Variants in SPRY3 observed in about 807,000 individuals in gnomAD.
SPRY3 encodes protein sprouty homolog 3.
Under a neutral mutation model 20.2 loss-of-function variants are expected in SPRY3, and 15 were observed. That is an observed-to-expected ratio of 0.74 (90% CI 0.50 to 1.14). The LOEUF (loss-of-function observed/expected upper bound fraction) is 1.14, where lower values mean the gene tolerates loss of function less well. SPRY3 is among the 50% of genes most tolerant of loss of function. The pLI, the probability that SPRY3 is intolerant of heterozygous loss-of-function variation, is 0.00. For missense variants in SPRY3, 364 were observed against 363.9 expected, an observed-to-expected ratio of 1.00 and a Z score of 0.00; for synonymous variants, 143 against 136.5, an observed-to-expected ratio of 1.05 and a Z score of -0.33.
intron 2 of SPRY3, among the ~76,000 whole-genome samples, chrX:155,702,366 C>T (rs1208136063): frequency 8.2e-5 from 1 of 12,212 alleles, no homozygotes. Context: ...ATTTTATTCT[C>T]TTTGAAGCAA....
At chrX:155,643,658 G>T (rs2067949036) in intron 1 of SPRY3, among the ~76,000 whole-genome samples, 1 of 111,131 alleles carries the variant, frequency 9.0e-6, no homozygotes, top group Admixed American at 9.6e-5. Context: ...TTACCATGAG[G>T]CTTGAAAATA....
intron 2 of SPRY3, among the ~76,000 whole-genome samples, chrX:155,696,911 C>A (rs187224408): frequency 8.9e-6 from 1 of 111,762 alleles, no homozygotes; most frequent in African/African-American, 3.2e-5. Flanking sequence ...TGATCAAGGA[C>A]CTTTTAAGTA....
chrX:155,716,796 A>T (rs1340600294), intron 2 of SPRY3, among the ~76,000 whole-genome samples: 1 of 151,282 alleles, frequency 6.6e-6, no homozygotes, highest in African/African-American at 2.4e-5. Flanking sequence ...GTGTTCAAAT[A>T]ACTGTAGTCC....
At chrX:155,753,129 G>T (rs2091270550) in intron 2 of SPRY3, among the ~76,000 whole-genome samples, 3 of 151,774 alleles carry the variant, frequency 2.0e-5, no homozygotes, top group Admixed American at 2.0e-4. Flanking sequence ...AGTCACCCAT[G>T]TAATGTGCAC....
intron 3 of SPRY3, among the ~76,000 whole-genome samples, chrX:155,768,767 G>T (rs2091363418): frequency 6.6e-6 from 1 of 152,204 alleles, no homozygotes; most frequent in African/African-American, 2.4e-5. Context: ...GTGAGAACCT[G>T]TGAGCACGTC....
At chrX:155,632,245 ACG>A (rs1491120103) in intron 1 of SPRY3, among the ~76,000 whole-genome samples, 9 of 109,769 alleles carry the variant, frequency 8.2e-5, no homozygotes, top group African/African-American at 2.7e-4. Flanking sequence ...ACACACACAC[ACG>A]CACACACACA....
intron 2 of SPRY3, among the ~76,000 whole-genome samples, chrX:155,697,603 A>G (rs2068123495): frequency 9.2e-6 from 1 of 108,925 alleles, no homozygotes; most frequent in Admixed American, 9.8e-5. Flanking sequence ...AAGCACTTAG[A>G]ATAGTGCCTG....
chrX:155,780,924 T>C (rs1010835832), downstream of SPRY3: 21 of 166,990 alleles, frequency 1.3e-4, no homozygotes, highest in African/African-American at 4.8e-4. Context: ...AGTGTGTTTC[T>C]CTCACCTAAA....
At chrX:155,649,127 A>G (rs2067967746) in intron 1 of SPRY3, among the ~76,000 whole-genome samples, 2 of 111,783 alleles carry the variant, frequency 1.8e-5, no homozygotes, top group Non-Finnish European at 1.9e-5. Context: ...GCATAATTAA[A>G]TAGCCTACCA....
intron 2 of SPRY3, among the ~76,000 whole-genome samples, chrX:155,753,765 T>G (rs1391495366): frequency 6.6e-6 from 1 of 151,964 alleles, no homozygotes; most frequent in Non-Finnish European, 1.5e-5. Flanking sequence ...TGTGATTGTC[T>G]GTTGTTTTGA....
chrX:155,710,794 G>T (rs2090981037), intron 2 of SPRY3, among the ~76,000 whole-genome samples: 1 of 151,590 alleles, frequency 6.6e-6, no homozygotes, highest in African/African-American at 2.4e-5. Flanking sequence ...ACTAGCTGTG[G>T]GTCTGTCATC....
intron 2 of SPRY3, among the ~76,000 whole-genome samples, chrX:155,689,494 G>C (rs2124573156): frequency 1.2e-5 from 1 of 86,638 alleles, no homozygotes; most frequent in African/African-American, 5.6e-5. Flanking sequence ...GGCTTTTACT[G>C]GTTGGTAGGC....
exon 2 of SPRY3, chrX:155,781,849 T>C (rs2091464943): frequency 6.1e-6 from 1 of 163,176 alleles, no homozygotes; most frequent in South Asian, 2.3e-4. Context: ...GTAACAAGAT[T>C]GAACACTTGT....
chrX:155,767,225 G>A (rs1346572496), intron 2 of SPRY3, among the ~76,000 whole-genome samples: 2 of 151,866 alleles, frequency 1.3e-5, no homozygotes, highest in Non-Finnish European at 2.9e-5. Flanking sequence ...ACGACACGCG[G>A]GGGGAGGGGG....
At chrX:155,692,187 TATTTTAC>T (rs2068104809) in intron 2 of SPRY3, among the ~76,000 whole-genome samples, 17 of 110,943 alleles carry the variant, frequency 1.5e-4, no homozygotes, top group African/African-American at 4.3e-4. Context: ...TACAGCTTTA[TATTTTAC>T]ATTTAGCTCC....
intron 2 of SPRY3, among the ~76,000 whole-genome samples, chrX:155,661,460 A>AT (rs2068009635): frequency 9.0e-6 from 1 of 110,544 alleles, no homozygotes; most frequent in South Asian, 3.8e-4. Context: ...TGCTTTTAGT[A>AT]TTTTTTCTTT....
chrX:155,646,664 C>T (rs1308806069), intron 1 of SPRY3, among the ~76,000 whole-genome samples: 1 of 111,656 alleles, frequency 9.0e-6, no homozygotes. Context: ...TACTTAATTT[C>T]TTAGTTCTAA....
intron 2 of SPRY3, among the ~76,000 whole-genome samples, chrX:155,671,742 A>G (rs1243689174): frequency 9.0e-6 from 1 of 111,186 alleles, no homozygotes; most frequent in African/African-American, 3.3e-5. Context: ...CCTGAATGGT[A>G]ATGCCTAGGT....
At chrX:155,749,070 T>A (rs765599161) in intron 2 of SPRY3, among the ~76,000 whole-genome samples, 26 of 151,954 alleles carry the variant, frequency 1.7e-4, no homozygotes, top group African/African-American at 6.0e-4. Flanking sequence ...TCACACTCAA[T>A]CACACAATGC....
Sources: allele counts gnomAD v4.1 joint callset (sites outside exome capture counted in the v4.1 genomes callset), GRCh38; gene constraint gnomAD v4.1.1; transcripts MANE v1.5; gene names NCBI Gene and HGNC (gene_info 2026-07-23, HGNC 2026-07-21).